The following SRSF10 variants were observed in gnomAD, a reference collection of about 807,000 sequenced individuals.
SRSF10 encodes serine/arginine-rich splicing factor 10.
SRSF10 carries 9 observed loss-of-function variants against 32.6 expected under a neutral mutation model. The observed-to-expected ratio is 0.28, with a 90% CI of 0.17 to 0.48. The LOEUF (loss-of-function observed/expected upper bound fraction) is 0.48. SRSF10 is among the 20% of genes least tolerant of loss of function. The pLI is 0.99. For missense variants in SRSF10, 201 were observed against 331.8 expected, an observed-to-expected ratio of 0.61 and a Z score of 3.06; for synonymous variants, 105 against 112.4, an observed-to-expected ratio of 0.93 and a Z score of 0.42.
intron 3 of SRSF10, among the ~76,000 whole-genome samples, chr1:23,973,671 A>T (rs1161385497): frequency 6.6e-6 from 1 of 152,172 alleles, no homozygotes; most frequent in Admixed American, 6.5e-5. Context: ...CCATATGCTG[A>T]TTTGGAATGA....
At chr1:23,976,211 TAG>T (rs67117968) in intron 2 of SRSF10, 51,739 of 152,052 alleles carry the variant, frequency 0.34, 11,043 homozygotes, top group Non-Finnish European at 0.47. Context: ...ACTGCAGATT[TAG>T]AGAGGTGATT....
At chr1:23,978,316 A>C (rs1169187331) in intron 2 of SRSF10, 1 of 994,330 alleles carries the variant, frequency 1.0e-6, no homozygotes, top group East Asian at 1.1e-4. Context: ...GACAATATTA[A>C]AGAAGTTTAC....
chr1:23,977,230 G>A (rs1318039025), intron 2 of SRSF10: 2 of 152,204 alleles, frequency 1.3e-5, no homozygotes, highest in Non-Finnish European at 2.9e-5. Context: ...AATTTAAGCA[G>A]GAAGAACTTT....
chr1:23,979,965 G>A (rs1185221236), intron 1 of SRSF10, among the ~76,000 whole-genome samples: 1 of 152,186 alleles, frequency 6.6e-6, no homozygotes, highest in Non-Finnish European at 1.5e-5. Flanking sequence ...GAGGGGGAGG[G>A]GGACCGAAAA....
rs1204090882 is a variant in SRSF10 at position 23,971,617 on chromosome 1, C to T, written c.447G>A (p.Pro149=). 25 of 1,610,506 alleles carry T rather than the reference C, an allele frequency of 1.6e-5. No homozygotes were observed. The highest frequency in any genetic ancestry group is 8.9e-5 in the East Asian group (4 of 44,868). Residue 149 remains proline (P), a synonymous_variant, in exon 5 of 6, where the codon CCG becomes CCA. Transcript: ENST00000492112. ...TTCTGCTACGCCGTGGTCTTCCAGT[C>T]GGTCTACTGCTAAAAAGCATATCAG... The part of the protein sequence containing the change: ...RRSYSPRNSR[P]TGRPRRSRSH...
rs1380518623 is a variant in SRSF10, at chr1:23,965,105, T to A, written c.*6037A>T. ...AGTGACTAGCAGAATGTCTTGTAGATAGCAATAACCGAAGACAAACAGGTT... is the reference window on the plus strand; with the variant it reads ...AGTGACTAGCAGAATGTCTTGTAGAAAGCAATAACCGAAGACAAACAGGTT... On this transcript the variant is annotated 3_prime_UTR_variant, in exon 6 of 6. Coordinates refer to ENST00000492112, the MANE Select transcript of SRSF10 (RefSeq NM_054016.4). The A allele has an allele frequency of 1.3e-5, 2 of 151,984 alleles. No individual in the cohort carries two copies. Among genetic ancestry groups the A allele is most frequent in the African/African-American group, 2.4e-5 (1 of 41,444 alleles). The allele number at this position is 151,984 out of a possible 1,614,324, so 9.4% of individuals were successfully genotyped here.
In SRSF10 at chr1:23,971,311, C is replaced by T; in HGVS notation, c.620G>A (p.Gly207Asp). 1 of 1,613,298 alleles carries T rather than the reference C, an allele frequency of 6.2e-7. No homozygotes were observed. The highest frequency in any genetic ancestry group is 2.2e-5 in the East Asian group (1 of 44,868). ...SRSASHTKTR[G>D]TSKTDSKTHY... ...TGTTTTGGAATCTGTTTTAGAGGTGCCTCTAGTTTTGGTGTGAGATGCAGA... is the reference window on the plus strand; with the variant it reads ...TGTTTTGGAATCTGTTTTAGAGGTGTCTCTAGTTTTGGTGTGAGATGCAGA... The change falls in exon 6 of 6, where the codon GGC becomes GAC. Residue 207 changes from glycine (G) to aspartate (D), a missense_variant. Around this residue, in one of 3 missense-constraint regions of SRSF10, gnomAD observed 159 missense variants for 196.7 expected, o/e 0.81. Transcript: ENST00000492112.
Position 23,971,335 on chromosome 1 carries a change from G to T in SRSF10, c.596C>A (p.Ser199Tyr). 1 of 1,612,950 alleles carries T rather than the reference G, an allele frequency of 6.2e-7. No individual in the cohort carries two copies. Among genetic ancestry groups the T allele is most frequent in the South Asian group, 1.1e-5 (1 of 91,026 alleles). Residue 199 changes from serine (S) to tyrosine (Y), a missense_variant, in exon 6 of 6, where the codon TCT becomes TAT. Coordinates refer to ENST00000492112, the MANE Select transcript of SRSF10 (RefSeq NM_054016.4). The part of the protein sequence containing the change: ...KEMKAKSRSR[S>Y]ASHTKTRGTS... Reference sequence around the variant, plus strand: ...GCCTCTAGTTTTGGTGTGAGATGCAGACCTAGAACGTGATTTAGCCTTCAT... The same window carrying T: ...GCCTCTAGTTTTGGTGTGAGATGCATACCTAGAACGTGATTTAGCCTTCAT...
intron 3 of SRSF10, among the ~76,000 whole-genome samples, chr1:23,973,510 G>A (rs1641897258): frequency 6.6e-6 from 1 of 151,960 alleles, no homozygotes; most frequent in Admixed American, 6.6e-5. Context: ...TTGTGGAGAT[G>A]GGGTCTCACT....
chr1:23,977,582 A>G (rs1398110244), intron 2 of SRSF10: 1 of 152,208 alleles, frequency 6.6e-6, no homozygotes, highest in Non-Finnish European at 1.5e-5. Flanking sequence ...TCCCCAGTGC[A>G]TGCACCTGTC....
intron 1 of SRSF10, 125 bp downstream of exon 1, chr1:23,980,057 CGGCGCCAAA>C: frequency 1.0e-6 from 1 of 991,158 alleles, no homozygotes; most frequent in Admixed American, 3.0e-5. Context: ...CGGCCTAGTT[CGGCGCCAAA>C]GCGGGCGCGG....
At chr1:23,979,060 T>A (rs1158686479) in intron 1 of SRSF10, 1 of 196,912 alleles carries the variant, frequency 5.1e-6, no homozygotes, top group Admixed American at 6.4e-5. Context: ...AAGCCTTGTT[T>A]TTTTTTTTTT....
rs1641674750 is a variant in SRSF10 at position 23,970,367 on chromosome 1, T to TC, written c.*774_*775insG. 1 of 983,284 alleles carries TC rather than the reference T, an allele frequency of 1.0e-6. No individual in the cohort carries two copies. The allele number at this position is 983,284 out of a possible 1,614,324, so 60.9% of individuals were successfully genotyped here. Reference sequence around the variant, plus strand: ...TATCATTGGCCTAGACATCCGGTTTTTTTTTTTTTTTGAGACGGAGTCTCA... The same window carrying TC: ...TATCATTGGCCTAGACATCCGGTTTTCTTTTTTTTTTTGAGACGGAGTCTCA... On this transcript the variant is annotated 3_prime_UTR_variant, in exon 6 of 6. Transcript: ENST00000492112.
chr1:23,971,282 A>T lies in SRSF10; in HGVS notation c.649T>A (p.Tyr217Asn). 1.9e-6 allele frequency: 3 copies of T among 1,613,812 alleles called. No individual in the cohort carries two copies. In the African/African-American group the frequency reaches 4.0e-5, roughly 22 times the overall value. Residue 217 changes from tyrosine (Y) to asparagine (N), a missense_variant, in exon 6 of 6, where the codon TAT becomes AAT. Physicochemically the swap from Tyr to Asn is moderately radical, Grantham distance 143 (BLOSUM62 -2). Transcript: ENST00000492112. ...GTSKTDSKTH[Y>N]KSGSRYEKES... is the part of the protein sequence containing the mutation. ...TTTTCATATCTTGAGCCAGACTTAT[A>T]ATGTGTTTTGGAATCTGTTTTAGAG...
In SRSF10 at chr1:23,971,352, A is replaced by G; in HGVS notation, c.579T>C (p.Ala193=). Residue 193 remains alanine, a synonymous_variant, in exon 6 of 6, where the codon GCT becomes GCC. Coordinates refer to ENST00000492112, the MANE Select transcript of SRSF10 (RefSeq NM_054016.4). ...SKSQPKKEMK[A]KSRSRSASHT... ...GAGATGCAGACCTAGAACGTGATTT[A>G]GCCTTCATTTCTTTCTTGGGCTGGG... The G allele has an allele frequency of 6.2e-7, 1 of 1,612,796 alleles. No individual in the cohort carries two copies. Among genetic ancestry groups the G allele is most frequent in the Non-Finnish European group, 8.5e-7 (1 of 1,179,928 alleles).
At chr1:23,979,784 TCTCA>T (rs1158054713) in intron 1 of SRSF10, among the ~76,000 whole-genome samples, 36 of 131,436 alleles carry the variant, frequency 2.7e-4, no homozygotes, top group South Asian at 5.3e-4. Context: ...CGTTATTTCA[TCTCA>T]CTATTTTTTG....
intron 3 of SRSF10, among the ~76,000 whole-genome samples, chr1:23,973,381 G>A (rs1329601039): frequency 2.6e-5 from 4 of 152,194 alleles, no homozygotes; most frequent in African/African-American, 9.6e-5. Context: ...CCAGGCTGGA[G>A]TGCACTTGTG....
chr1:23,968,088 A>G lies in SRSF10; in HGVS notation c.*3054T>C, dbSNP rs1641544221. 3 of 1,442,562 alleles carry G rather than the reference A, an allele frequency of 2.1e-6. No individual in the cohort carries two copies. The highest frequency in any genetic ancestry group is 2.8e-6 in the Non-Finnish European group (3 of 1,090,010). 89.4% of individuals were successfully genotyped at this position (1,442,562 alleles called of 1,614,324 possible). A position where few individuals can be genotyped will look rare whatever the true frequency, so the allele number is the denominator to read the frequency against. On this transcript the variant is annotated 3_prime_UTR_variant, in exon 6 of 6. Coordinates refer to ENST00000492112, the MANE Select transcript of SRSF10 (RefSeq NM_054016.4). ...CCAGTCATACACAGTAGGTAAACTC[A>G]GTAAGTGGGGGACTCAACTACATCA...
chr1:23,974,832 CAA>C (rs113600652), intron 3 of SRSF10, 140 bp downstream of exon 3: 543 of 501,416 alleles, frequency 1.1e-3, no homozygotes, highest in Middle Eastern at 2.3e-3. Context: ...GACTCCGTCT[CAA>C]AAAAAAAAAA....
Sources: allele counts gnomAD v4.1 joint callset (sites outside exome capture counted in the v4.1 genomes callset), GRCh38; gene constraint gnomAD v4.1.1; regional missense constraint gnomAD v4.1.1; transcripts MANE v1.5; gene names NCBI Gene and HGNC (gene_info 2026-07-23, HGNC 2026-07-21).